TCERG1: variants seen among roughly 807,000 people sequenced by gnomAD.
The protein encoded by TCERG1 is transcription elongation regulator 1, also known as TATA box binding protein (TBP)-associated factor, RNA polymerase II, S, 150kD.
A neutral mutation model predicts 144.7 loss-of-function variants in TCERG1; 37 were observed. That is an observed-to-expected ratio of 0.26 (90% CI 0.20 to 0.34). TCERG1 has a LOEUF of 0.34. TCERG1 is among the 10% of genes least tolerant of loss of function. The pLI is 1.00. For missense variants in TCERG1, 1,027 were observed against 1,380.7 expected (o/e 0.74, Z 4.06); for synonymous variants, 492 against 458.2 (o/e 1.07, Z -0.94).
Position 146,507,123 on chromosome 5 carries a change from A to G in TCERG1, c.2877A>G (p.Lys959=), listed in dbSNP as rs1404363356. Residue 959 remains lysine (K), a synonymous_variant, in exon 20 of 23, where the codon AAA becomes AAG. Coordinates refer to ENST00000679501, the MANE Select transcript of TCERG1 (RefSeq NM_001382548.1). This position sits in a 1 kb window ranked among gnomAD's most constrained non-coding sequence, Gnocchi z 4.6. ...ESGSLLEREE[K]EKLFNEHIEA... ...GATCCTTATTGGAAAGAGAGGAGAAAGAGAAGCTTTTTAATGAACACATTG... is the reference window on the plus strand; with the variant it reads ...GATCCTTATTGGAAAGAGAGGAGAAGGAGAAGCTTTTTAATGAACACATTG... 6.2e-7 allele frequency: 1 copy of G among 1,613,828 alleles called. No homozygotes were observed. The highest frequency in any genetic ancestry group is 1.1e-5 in the South Asian group (1 of 91,026).
chr5:146,452,759 T>C (rs1234589942), intron 1 of TCERG1, among the ~76,000 whole-genome samples: 1 of 152,094 alleles, frequency 6.6e-6, no homozygotes, highest in African/African-American at 2.4e-5. Flanking sequence ...CCGGCTAATT[T>C]TTTTGTATTT....
intron 14 of TCERG1, 131 bp downstream of exon 14, chr5:146,482,858 T>C (rs931552665): frequency 1.6e-6 from 2 of 1,269,532 alleles, no homozygotes; most frequent in African/African-American, 3.1e-5. Context: ...AAAATTACTG[T>C]ACATTTTTTG....
At chr5:146,474,702 A>G (rs1344396289) in intron 9 of TCERG1, among the ~76,000 whole-genome samples, 2 of 152,216 alleles carry the variant, frequency 1.3e-5, no homozygotes, top group African/African-American at 2.4e-5. Flanking sequence ...GTGTTCAGCC[A>G]TCAAGAGATT....
chr5:146,468,298 C>G (rs375804788), intron 5 of TCERG1, 43 bp from the exon 6 acceptor site: 1 of 1,468,212 alleles, frequency 6.8e-7, no homozygotes, highest in Non-Finnish European at 9.2e-7. Context: ...AGCCGACATA[C>G]AATGGCAGCT....
chr5:146,506,760 T>C (rs892100041), intron 19 of TCERG1, among the ~76,000 whole-genome samples: 14 of 152,222 alleles, frequency 9.2e-5, no homozygotes, highest in Admixed American at 2.0e-4. Flanking sequence ...ATGCAGTATT[T>C]GTGTTTCTGT....
chr5:146,508,777 G>A (rs1768216268), intron 21 of TCERG1, among the ~76,000 whole-genome samples: 1 of 152,164 alleles, frequency 6.6e-6, no homozygotes, highest in African/African-American at 2.4e-5. Flanking sequence ...AAAATACAGT[G>A]TGCAGGAAGT....
In TCERG1 at chr5:146,507,117, G is replaced by A. The variant is rs1471117509; in HGVS notation, c.2871G>A (p.Glu957=). 4 of 1,613,646 alleles carry A rather than the reference G, an allele frequency of 2.5e-6. No individual in the cohort carries two copies. Among genetic ancestry groups the A allele is most frequent in the Non-Finnish European group, 3.4e-6 (4 of 1,179,790 alleles). The change falls in exon 20 of 23, where the codon GAG becomes GAA. Residue 957 remains glutamate (E), a synonymous_variant. Coordinates refer to ENST00000679501, the MANE Select transcript of TCERG1 (RefSeq NM_001382548.1). This position sits in a 1 kb window ranked among gnomAD's most constrained non-coding sequence, Gnocchi z 4.6. The stretch of plus-strand genomic sequence containing the variant: ...AATCTGGATCCTTATTGGAAAGAGA[G>A]GAGAAAGAGAAGCTTTTTAATGAAC... ...RWESGSLLER[E]EKEKLFNEHI...
chr5:146,468,324 G>A lies in TCERG1; in HGVS notation c.1136-17G>A. 6.3e-7 allele frequency: 1 copy of A among 1,582,344 alleles called. No individual in the cohort carries two copies. The highest frequency in any genetic ancestry group is 8.6e-7 in the Non-Finnish European group (1 of 1,163,094). ...AATGGCAGCTTTCCAACGTATGCTT[G>A]CTTATCCATTTTACAGGTGTAGCAA... On this transcript the variant is annotated splice_polypyrimidine_tract_variant and intron_variant, in intron 5 of 22. Transcript: ENST00000679501.
intron 6 of TCERG1, 61 bp from the exon 7 acceptor site, chr5:146,469,481 TAG>T: frequency 7.5e-7 from 1 of 1,334,652 alleles, no homozygotes; most frequent in Non-Finnish European, 1.0e-6. Context: ...GCTCATATTT[TAG>T]AGTTTTATTT....
Position 146,477,075 on chromosome 5 carries a change from A to G in TCERG1, c.1602-1418A>G, listed in dbSNP as rs1030071680. On this transcript the variant is annotated intron_variant, in intron 9 of 22. Coordinates refer to ENST00000679501, the MANE Select transcript of TCERG1 (RefSeq NM_001382548.1). ...GTGAGCCACCATGCCCAGCTGATCCATCTTCTAATTCACTGATTGTTTCCT... is the reference window on the plus strand; with the variant it reads ...GTGAGCCACCATGCCCAGCTGATCCGTCTTCTAATTCACTGATTGTTTCCT... 7.9e-5 allele frequency among the ~76,000 whole-genome samples: 12 copies of G among 152,262 alleles called. No individual in the cohort carries two copies. The South Asian group carries it at 1.0e-3, about 13-fold the overall frequency.
rs56657111 is a variant in TCERG1, at chr5:146,454,037, C to CAAAAA, written c.60-999_60-995dup. Among the ~76,000 whole-genome samples, 156 of 129,764 alleles carry CAAAAA rather than the reference C, an allele frequency of 1.2e-3. No individual in the cohort carries two copies. In the East Asian group the frequency reaches 0.014, roughly 12 times the overall value. 85.1% of individuals were successfully genotyped at this position (129,764 alleles called of 152,430 possible). On this transcript the variant is annotated intron_variant, in intron 1 of 22. Transcript: ENST00000679501. ...GTGAAACCCCATCTCTACTCAAATA[C>CAAAAA]AAAAAAAAAAAAAAAAAAAAAAAAT...
intron 5 of TCERG1, among the ~76,000 whole-genome samples, chr5:146,466,661 C>A (rs1183452293): frequency 1.3e-5 from 2 of 152,070 alleles, no homozygotes; most frequent in Non-Finnish European, 2.9e-5. Context: ...TGCATGTAAT[C>A]ACTTTGAGAG....
At chr5:146,488,186 A>G (rs1439380591) in intron 15 of TCERG1, among the ~76,000 whole-genome samples, 2 of 152,202 alleles carry the variant, frequency 1.3e-5, no homozygotes, top group African/African-American at 4.8e-5. Flanking sequence ...CCAGACATTG[A>G]CTGGGAAAAG....
At chr5:146,474,588 C>A (rs1263963910) in intron 9 of TCERG1, among the ~76,000 whole-genome samples, 2 of 152,110 alleles carry the variant, frequency 1.3e-5, no homozygotes, top group Non-Finnish European at 2.9e-5. Flanking sequence ...ACAGAGAAAT[C>A]TTTTGCGAAA....
intron 19 of TCERG1, among the ~76,000 whole-genome samples, chr5:146,505,104 AAG>A (rs1480997690): frequency 1.3e-5 from 2 of 151,070 alleles, no homozygotes; most frequent in African/African-American, 2.4e-5. Flanking sequence ...AAAAAAAAAA[AAG>A]GACAAAAACA....
intron 19 of TCERG1, chr5:146,505,675 C>G (rs551174982): frequency 6.6e-6 from 1 of 151,832 alleles, no homozygotes; most frequent in African/African-American, 2.4e-5. Flanking sequence ...TAGGCAGATT[C>G]GATCTCACTG....
At chr5:146,452,601 T>C (rs942387209) in intron 1 of TCERG1, among the ~76,000 whole-genome samples, 1 of 152,200 alleles carries the variant, frequency 6.6e-6, no homozygotes, top group Non-Finnish European at 1.5e-5. Context: ...TTTATTTATT[T>C]ATTATTGAGA....
At position 146,471,356 on chromosome 5, in the gene TCERG1, A is replaced by C. The variant is rs931953573; in HGVS notation, c.1513-132A>C. The C allele has an allele frequency of 9.3e-6, 7 of 755,040 alleles. No individual in the cohort carries two copies. The African/African-American group carries it at 1.1e-4, about 11-fold the overall frequency. The allele number at this position is 755,040 out of a possible 1,614,324, so 46.8% of individuals were successfully genotyped here. ...GATGAGGATTTAGAACTTTCTTCCT[A>C]CTCAGAGTCTCCTCTTATTCTAGCA... On this transcript the variant is annotated intron_variant, in intron 8 of 22. Transcript: ENST00000679501.
At chr5:146,508,390 C>A (rs1273679095) in intron 21 of TCERG1, among the ~76,000 whole-genome samples, 1 of 152,208 alleles carries the variant, frequency 6.6e-6, no homozygotes, top group African/African-American at 2.4e-5. Flanking sequence ...TTGTTTACTA[C>A]AGTCCATTTT....
Sources: gnomAD v4.1 joint callset for allele counts (sites outside exome capture counted in the v4.1 genomes callset) on GRCh38, gnomAD v4.1.1 for gene constraint, Gnocchi (gnomAD v3.1) non-coding constraint, MANE v1.5 for transcripts, NCBI Gene and HGNC (gene_info 2026-07-23, HGNC 2026-07-21) for gene names.